ZFHX3: variants seen among roughly 807,000 people sequenced by gnomAD.
ZFHX3 encodes zinc finger homeobox protein 3.
ZFHX3 carries 42 observed loss-of-function variants against 279.1 expected under a neutral mutation model. The ratio of observed to expected loss-of-function variants is 0.15; its 90% CI spans 0.12 to 0.19. ZFHX3 has a LOEUF of 0.19. Among genes scored for constraint, ZFHX3 ranks in the 10% least tolerant of loss-of-function variants. ZFHX3 has a pLI of 1.00. For synonymous variants in ZFHX3, 2,293 were observed against 1,957.8 expected (o/e 1.17, Z -4.52); for missense variants, 4,981 against 4,754.0 (o/e 1.05, Z -1.40).
chr16:73,044,705 T>TC (rs1364951147), intron 1 of ZFHX3, among the ~76,000 whole-genome samples: 1 of 152,106 alleles, frequency 6.6e-6, no homozygotes, highest in African/African-American at 2.4e-5. Flanking sequence ...CACTGCAACC[T>TC]CCCCCTCCCA....
intron 4 of ZFHX3, among the ~76,000 whole-genome samples, chr16:72,848,540 T>C (rs1359243913): frequency 6.6e-6 from 1 of 152,100 alleles, no homozygotes; most frequent in African/African-American, 2.4e-5. Context: ...TTCCAGGCCC[T>C]CTGGGCTGTC....
At chr16:72,840,123 C>CA (rs11453519) in intron 4 of ZFHX3, among the ~76,000 whole-genome samples, 10,010 of 137,796 alleles carry the variant, frequency 0.073, 773 homozygotes, top group East Asian at 0.2. Context: ...ATGCTTAATG[C>CA]AAAAAAAAAA....
chr16:73,447,170 G>A (rs1173564535), intron 3 of ZFHX3, among the ~76,000 whole-genome samples: 3 of 133,132 alleles, frequency 2.3e-5, no homozygotes, highest in Admixed American at 1.6e-4. Flanking sequence ...AACAGAGCAA[G>A]ACTCCATCTC....
chr16:73,014,526 T>C (rs1177308564), intron 1 of ZFHX3: 2 of 131,220 alleles, frequency 1.5e-5, no homozygotes, highest in African/African-American at 5.7e-5. Flanking sequence ...TTCTTTTTTT[T>C]TTTTTTTTTT....
At chr16:73,350,019 A>G (rs1426050945) in intron 3 of ZFHX3, among the ~76,000 whole-genome samples, 2 of 151,146 alleles carry the variant, frequency 1.3e-5, no homozygotes, top group East Asian at 2.0e-4. Flanking sequence ...TGGAATAAAG[A>G]ACTGGCAAGG....
At chr16:73,663,755 T>C (rs1179654000) in intron 2 of ZFHX3, among the ~76,000 whole-genome samples, 1 of 127,556 alleles carries the variant, frequency 7.8e-6, no homozygotes, top group East Asian at 3.4e-4. Context: ...AAAACTGTCA[T>C]AGTAGATATT....
chr16:73,262,015 G>A (rs867114679), intron 4 of ZFHX3, among the ~76,000 whole-genome samples: 1 of 152,072 alleles, frequency 6.6e-6, no homozygotes, highest in South Asian at 2.1e-4. Context: ...TCTGTAATAC[G>A]GTATAATAAC....
chr16:73,872,195 T>C (rs2029863491), intron 1 of ZFHX3, among the ~76,000 whole-genome samples: 1 of 151,912 alleles, frequency 6.6e-6, no homozygotes. Flanking sequence ...TATTCTCCAA[T>C]ATGGCTGCTG....
chr16:73,695,771 T>G (rs1216500427), intron 1 of ZFHX3, among the ~76,000 whole-genome samples: 1 of 152,168 alleles, frequency 6.6e-6, no homozygotes, highest in Non-Finnish European at 1.5e-5. Flanking sequence ...TCACAGCAGG[T>G]GCTCAGGAAG....
chr16:73,336,641 T>C (rs2015918079), intron 3 of ZFHX3, among the ~76,000 whole-genome samples: 1 of 152,178 alleles, frequency 6.6e-6, no homozygotes, highest in African/African-American at 2.4e-5. Context: ...CTACCACTGA[T>C]GGGCCTCTAG....
intron 1 of ZFHX3, among the ~76,000 whole-genome samples, chr16:73,690,388 AAATTT>A (rs1391811993): frequency 4.6e-5 from 7 of 152,190 alleles, no homozygotes; most frequent in Non-Finnish European, 1.0e-4. Context: ...GGTAAGAAGA[AAATTT>A]CAAATCAATT....
intron 5 of ZFHX3, among the ~76,000 whole-genome samples, chr16:73,151,879 CAA>C (rs58576284): frequency 0.51 from 61,244 of 120,500 alleles, 15,358 homozygotes; most frequent in Middle Eastern, 0.64. Context: ...ATGCAAAAAA[CAA>C]AAAAAAAAAA....
At chr16:73,331,119 G>A (rs1187529692) in intron 3 of ZFHX3, among the ~76,000 whole-genome samples, 1 of 152,076 alleles carries the variant, frequency 6.6e-6, no homozygotes, top group African/African-American at 2.4e-5. Context: ...CATGGTGGAA[G>A]GGGAAGCAAA....
At chr16:73,492,260 G>T (rs1000180621) in intron 2 of ZFHX3, among the ~76,000 whole-genome samples, 5 of 152,028 alleles carry the variant, frequency 3.3e-5, no homozygotes, top group Admixed American at 3.3e-4. Context: ...AGCCACTCCT[G>T]ACTCCTCCCC....
chr16:72,851,128 T>C (rs1228078534), intron 4 of ZFHX3, among the ~76,000 whole-genome samples: 1 of 152,116 alleles, frequency 6.6e-6, no homozygotes, highest in Admixed American at 6.5e-5. Context: ...ATCACTTCCA[T>C]GTTCACAGTA....
intron 1 of ZFHX3, among the ~76,000 whole-genome samples, chr16:73,752,624 A>T (rs915537845): frequency 6.6e-6 from 1 of 151,824 alleles, no homozygotes; most frequent in African/African-American, 2.4e-5. Flanking sequence ...TCCTTGGCCA[A>T]CTCCTGAACA....
intron 2 of ZFHX3, among the ~76,000 whole-genome samples, chr16:73,594,136 TAAA>T (rs2052025926): frequency 6.6e-6 from 1 of 152,162 alleles, no homozygotes; most frequent in Admixed American, 6.6e-5. Context: ...AAAGGAAATC[TAAA>T]TTGAAATTAG....
chr16:73,439,300 C>T (rs1292104406), intron 3 of ZFHX3, among the ~76,000 whole-genome samples: 1 of 152,046 alleles, frequency 6.6e-6, no homozygotes. Flanking sequence ...AAAAGAGCCA[C>T]CTGGGAGATG....
At chr16:73,449,486 A>T (rs1418656466) in intron 3 of ZFHX3, among the ~76,000 whole-genome samples, 4 of 152,136 alleles carry the variant, frequency 2.6e-5, no homozygotes, top group African/African-American at 9.7e-5. Context: ...ACATAGCAAG[A>T]CCCCATCTCA....
Sources: allele counts gnomAD v4.1 joint callset (sites outside exome capture counted in the v4.1 genomes callset), GRCh38; gene constraint gnomAD v4.1.1; transcripts MANE v1.5; gene names NCBI Gene and HGNC (gene_info 2026-07-23, HGNC 2026-07-21).